The following PHF20 variants were observed in gnomAD, a reference collection of about 807,000 sequenced individuals.
PHF20 encodes glioma-expressed antigen 2.
PHF20 carries 23 observed loss-of-function variants against 113.5 expected under a neutral mutation model. The observed-to-expected ratio is 0.20, with a 90% CI of 0.15 to 0.29. PHF20 has a LOEUF of 0.29. PHF20 is among the 10% of genes least tolerant of loss of function. PHF20 has a pLI of 1.00. For missense variants in PHF20, 943 were observed against 1,219.6 expected (o/e 0.77, Z 3.38); for synonymous variants, 434 against 457.3 (o/e 0.95, Z 0.65).
At chr20:35,900,870 T>C (rs932579687) in intron 10 of PHF20, among the ~76,000 whole-genome samples, 1 of 152,040 alleles carries the variant, frequency 6.6e-6, no homozygotes, top group Non-Finnish European at 1.5e-5. Context: ...CATAAACTCA[T>C]GCAGATTGTA....
chr20:35,784,984 A>G (rs2041379622), intron 1 of PHF20, among the ~76,000 whole-genome samples: 1 of 151,738 alleles, frequency 6.6e-6, no homozygotes, highest in Non-Finnish European at 1.5e-5. Context: ...CTGGGAGGCA[A>G]AGGTTGCAGT....
intron 2 of PHF20, among the ~76,000 whole-genome samples, chr20:35,839,318 G>C (rs1316827760): frequency 1.3e-5 from 2 of 150,554 alleles, no homozygotes; most frequent in Admixed American, 1.3e-4. Context: ...ATGAACCCAG[G>C]AGGCGGAGCT....
chr20:35,783,796 A>T (rs932840122), intron 1 of PHF20, among the ~76,000 whole-genome samples: 2 of 151,832 alleles, frequency 1.3e-5, no homozygotes, highest in Admixed American at 6.6e-5. Context: ...AGCTTGACCA[A>T]CATGGAGAAA....
At chr20:35,783,583 A>ATT (rs760338473) in intron 1 of PHF20, among the ~76,000 whole-genome samples, 9 of 142,756 alleles carry the variant, frequency 6.3e-5, no homozygotes, top group Non-Finnish European at 7.7e-5. Flanking sequence ...CGCTTGGCTA[A>ATT]TTTTTTTTTT....
intron 16 of PHF20, among the ~76,000 whole-genome samples, chr20:35,939,910 C>CT (rs2147129342): frequency 6.6e-6 from 1 of 152,262 alleles, no homozygotes; most frequent in Admixed American, 6.5e-5. Flanking sequence ...TCCTTGTGCC[C>CT]TTGACTATGT....
chr20:35,865,357 T>C (rs2146977573), intron 6 of PHF20, among the ~76,000 whole-genome samples: 1 of 151,918 alleles, frequency 6.6e-6, no homozygotes, highest in Non-Finnish European at 1.5e-5. Flanking sequence ...AAAAATTGGC[T>C]GAGAGTGGTG....
At position 35,858,970 on chromosome 20, in the gene PHF20, A is replaced by G. The variant is rs547586788; in HGVS notation, c.420+589A>G. Among the ~76,000 whole-genome samples the G allele has an allele frequency of 6.6e-5, 10 of 152,216 alleles. No homozygotes were observed. The South Asian group carries it at 2.1e-3, about 32-fold the overall frequency. On this transcript the variant is annotated intron_variant, in intron 5 of 17. Coordinates refer to ENST00000374012, the MANE Select transcript of PHF20 (RefSeq NM_016436.5). ...TCCTAATCTTTTTTCAACAATGGTT[A>G]TTCTTTTCTTCTCTCTGTGCCCTGC...
chr20:35,794,446 A>G (rs1600739617), intron 1 of PHF20, among the ~76,000 whole-genome samples: 2 of 152,134 alleles, frequency 1.3e-5, no homozygotes, highest in African/African-American at 2.4e-5. Flanking sequence ...CAGGCTCTCA[A>G]TGAATATTTC....
chr20:35,838,993 CAA>C (rs796705349), intron 2 of PHF20, among the ~76,000 whole-genome samples: 7,125 of 86,066 alleles, frequency 0.083, 197 homozygotes, highest in African/African-American at 0.15. Flanking sequence ...GACCCTGTCT[CAA>C]AAAAAAAAAA....
intron 9 of PHF20, among the ~76,000 whole-genome samples, chr20:35,884,156 T>C (rs2054683283): frequency 6.6e-6 from 1 of 152,204 alleles, no homozygotes; most frequent in Non-Finnish European, 1.5e-5. Flanking sequence ...ACCAGGAATG[T>C]ATTAACGTAA....
chr20:35,858,256 T>G (rs1168866437), intron 4 of PHF20, 46 bp from the exon 5 acceptor site: 1 of 1,023,992 alleles, frequency 9.8e-7, no homozygotes, highest in South Asian at 1.3e-5. Flanking sequence ...GTTACCACTT[T>G]TCATGAAATT....
intron 1 of PHF20, among the ~76,000 whole-genome samples, chr20:35,791,479 ATCT>A (rs1250276927): frequency 7.5e-6 from 1 of 132,568 alleles, no homozygotes; most frequent in Non-Finnish European, 1.6e-5. Context: ...CTATCTATCT[ATCT>A]ATCTATCTAT....
At chr20:35,812,572 C>T (rs1303842333) in intron 2 of PHF20, among the ~76,000 whole-genome samples, 4 of 152,040 alleles carry the variant, frequency 2.6e-5, no homozygotes, top group Admixed American at 6.6e-5. Context: ...CTTCTATTTC[C>T]CGTAAACTGG....
chr20:35,812,105 A>G (rs976380303), intron 2 of PHF20, among the ~76,000 whole-genome samples: 1 of 152,162 alleles, frequency 6.6e-6, no homozygotes, highest in Non-Finnish European at 1.5e-5. Context: ...TTCTAACATA[A>G]TGAAAAGTTG....
intron 1 of PHF20, among the ~76,000 whole-genome samples, chr20:35,797,492 C>T (rs1437707885): frequency 4.3e-5 from 6 of 139,446 alleles, no homozygotes; most frequent in East Asian, 2.2e-4. Context: ...CCAGTCTGGG[C>T]GACAGAGTGA....
At chr20:35,806,485 G>A (rs142065470) in intron 2 of PHF20, among the ~76,000 whole-genome samples, 114 of 152,044 alleles carry the variant, frequency 7.5e-4, no homozygotes, top group Non-Finnish European at 1.5e-3. Context: ...TAATCCACCT[G>A]GAATTCATTT....
intron 1 of PHF20, among the ~76,000 whole-genome samples, chr20:35,773,033 A>C (rs1029856683): frequency 1.4e-4 from 21 of 152,208 alleles, no homozygotes; most frequent in African/African-American, 4.8e-4. Context: ...CCTTCTCCCG[A>C]GACTGTATTA....
At chr20:35,802,758 C>T (rs1189413927) in intron 2 of PHF20, among the ~76,000 whole-genome samples, 4 of 147,928 alleles carry the variant, frequency 2.7e-5, no homozygotes, top group Non-Finnish European at 4.5e-5. Context: ...GCTAAAGTGG[C>T]GAAACCCCGT....
At position 35,871,068 on chromosome 20, in the gene PHF20, G is replaced by A. The variant is rs761014867; in HGVS notation, c.1036G>A (p.Val346Ile). Residue 346 changes from valine (V) to isoleucine (I), a missense_variant, in exon 8 of 18, where the codon GTA becomes ATA. Physicochemically the swap from Val to Ile is conservative, Grantham distance 29. Around this residue, in one of 3 missense-constraint regions of PHF20, gnomAD observed 592 missense variants for 787.2 expected, o/e 0.75. Transcript: ENST00000374012. ...THEILDPDLV[V>I]SDLVDTDPLQ... ...TGAGATCCTAGATCCTGACTTGGTT[G>A]TATCAGATTTGGTTGATACGGATCC... 32 of 1,613,162 alleles carry A rather than the reference G, an allele frequency of 2.0e-5. No homozygotes were observed. Among genetic ancestry groups the A allele is most frequent in the Non-Finnish European group, 2.7e-5 (32 of 1,179,810 alleles).
Sources: allele counts gnomAD v4.1 joint callset (sites outside exome capture counted in the v4.1 genomes callset), GRCh38; gene constraint gnomAD v4.1.1; regional missense constraint gnomAD v4.1.1; transcripts MANE v1.5; gene names NCBI Gene and HGNC (gene_info 2026-07-23, HGNC 2026-07-21).